The following ANXA8 variants were observed in gnomAD, a reference collection of about 807,000 sequenced individuals.
ANXA8 encodes the protein VAC-beta.
ANXA8 carries 9 observed loss-of-function variants against 26.8 expected under a neutral mutation model. The ratio of observed to expected loss-of-function variants is 0.34; its 90% CI spans 0.20 to 0.59. ANXA8 has a LOEUF of 0.59. Ranked by LOEUF, ANXA8 falls within the 20% of genes least tolerant of loss-of-function variation. The pLI is 0.84. For synonymous variants in ANXA8, 39 were observed against 94.8 expected (o/e 0.41, Z 3.42); for missense variants, 83 against 238.5 (o/e 0.35, Z 4.29).
the ANXA8 span, among the ~76,000 whole-genome samples, chr10:47,739,938 A>G: frequency 5.3e-4 from 42 of 78,576 alleles, no homozygotes; most frequent in African/African-American, 1.3e-3. Flanking sequence ...ATAAAACACT[A>G]AAAAAAAAAA....
chr10:47,506,349 G>T, the ANXA8 span, among the ~76,000 whole-genome samples: 1 of 137,222 alleles, frequency 7.3e-6, no homozygotes, highest in Non-Finnish European at 1.6e-5. Context: ...CTCTTTTTTT[G>T]AGACAGAGTC....
the ANXA8 span, among the ~76,000 whole-genome samples, chr10:47,495,217 C>G: frequency 2.0e-5 from 3 of 149,224 alleles, no homozygotes; most frequent in African/African-American, 4.9e-5. Flanking sequence ...AGAATTCCAG[C>G]TCACTCTGCG....
At chr10:47,555,296 G>A in the ANXA8 span, among the ~76,000 whole-genome samples, 1 of 151,208 alleles carries the variant, frequency 6.6e-6, no homozygotes, top group African/African-American at 2.4e-5. Flanking sequence ...GTATAGCATC[G>A]GTGACTCTCC....
At chr10:47,521,288 A>G in the ANXA8 span, among the ~76,000 whole-genome samples, 10,478 of 130,364 alleles carry the variant, frequency 0.08, 2,368 homozygotes, top group African/African-American at 0.3. Flanking sequence ...CAGGCTTTCC[A>G]AACATCACCA....
chr10:47,562,739 G>A, the ANXA8 span, among the ~76,000 whole-genome samples: 36 of 119,146 alleles, frequency 3.0e-4, 1 homozygote, highest in Middle Eastern at 0.016. Context: ...TCTTGCAGAA[G>A]TGGTGAAGGG....
At chr10:47,750,986 GAGTA>G in the ANXA8 span, 2 of 143,988 alleles carry the variant, frequency 1.4e-5, no homozygotes, top group East Asian at 2.3e-4. Flanking sequence ...AAAAGGTGCA[GAGTA>G]AGTATTTGAG....
chr10:47,972,919 A>G, the ANXA8 span, among the ~76,000 whole-genome samples: 1 of 146,754 alleles, frequency 6.8e-6, no homozygotes, highest in South Asian at 2.2e-4. Flanking sequence ...ATGGGAGCTC[A>G]GGAGTTCCTA....
chr10:47,579,165 G>A, the ANXA8 span, among the ~76,000 whole-genome samples: 2 of 133,932 alleles, frequency 1.5e-5, no homozygotes, highest in African/African-American at 5.7e-5. Flanking sequence ...TTTGAGACAG[G>A]GTCTGGCTCT....
chr10:47,707,423 G>A, the ANXA8 span, among the ~76,000 whole-genome samples: 1 of 143,540 alleles, frequency 7.0e-6, no homozygotes, highest in Non-Finnish European at 1.6e-5. Flanking sequence ...ATCTCACTCT[G>A]TTACCCAGGC....
the ANXA8 span, among the ~76,000 whole-genome samples, chr10:47,694,161 C>A: frequency 6.6e-6 from 1 of 151,686 alleles, no homozygotes. Flanking sequence ...TTTACTTAAC[C>A]ATTTTCCTAT....
chr10:47,484,162 C>G (rs1839966810), upstream of ANXA8: 2 of 930,832 alleles, frequency 2.1e-6, no homozygotes, highest in Non-Finnish European at 1.7e-6. Context: ...CACCCAGACA[C>G]TGCCCAGGCC....
the ANXA8 span, among the ~76,000 whole-genome samples, chr10:47,684,494 C>T: frequency 6.6e-6 from 1 of 151,982 alleles, no homozygotes; most frequent in Middle Eastern, 3.4e-3. Flanking sequence ...CAAGCTTGTT[C>T]AACCCACAGC....
chr10:47,929,513 C>G, the ANXA8 span, among the ~76,000 whole-genome samples: 2 of 52,222 alleles, frequency 3.8e-5, no homozygotes, highest in African/African-American at 8.0e-5. Context: ...TATCTCCAGT[C>G]TGAACTTCTC....
At chr10:47,650,693 G>A in the ANXA8 span, among the ~76,000 whole-genome samples, 1 of 144,332 alleles carries the variant, frequency 6.9e-6, no homozygotes, top group Non-Finnish European at 1.5e-5. Flanking sequence ...TGTAGTCCCA[G>A]CTACTCGGGA....
chr10:47,695,741 G>A, the ANXA8 span, among the ~76,000 whole-genome samples: 2 of 151,066 alleles, frequency 1.3e-5, no homozygotes, highest in African/African-American at 2.4e-5. Flanking sequence ...CTTAGAGATA[G>A]CTCCCTTCCC....
the ANXA8 span, among the ~76,000 whole-genome samples, chr10:47,620,848 T>C: frequency 2.8e-4 from 31 of 108,822 alleles, 2 homozygotes; most frequent in African/African-American, 1.1e-3. Context: ...TGAAGTATTG[T>C]TTAAATTACA....
the ANXA8 span, among the ~76,000 whole-genome samples, chr10:47,626,352 G>C: frequency 2.7e-5 from 4 of 150,226 alleles, no homozygotes; most frequent in African/African-American, 1.0e-4. Flanking sequence ...GAAAGACTGT[G>C]AAAACAAAAC....
the ANXA8 span, among the ~76,000 whole-genome samples, chr10:47,617,660 C>A: frequency 6.7e-6 from 1 of 148,360 alleles, no homozygotes; most frequent in Non-Finnish European, 1.5e-5. Flanking sequence ...CTGCCCTCAT[C>A]TTTTTGCCCA....
the ANXA8 span, among the ~76,000 whole-genome samples, chr10:47,871,185 GC>G: frequency 1.6e-5 from 1 of 62,680 alleles, no homozygotes. Context: ...AAAATCCACG[GC>G]CCCCTCTGGT....
Sources: gnomAD v4.1 joint callset for allele counts (sites outside exome capture counted in the v4.1 genomes callset) on GRCh38, gnomAD v4.1.1 for gene constraint, MANE v1.5 for transcripts, NCBI Gene and HGNC (gene_info 2026-07-23, HGNC 2026-07-21) for gene names.